Variants in PGPEP1 observed in about 807,000 individuals in gnomAD.
PGPEP1 encodes pyroglutamyl-peptidase I.
PGPEP1 carries 15 observed loss-of-function variants against 24.1 expected under a neutral mutation model. The ratio of observed to expected loss-of-function variants is 0.62; its 90% CI spans 0.42 to 0.96. The LOEUF (loss-of-function observed/expected upper bound fraction) is 0.96. PGPEP1 is among the 40% of genes least tolerant of loss of function. The probability of loss-of-function intolerance (pLI) is 0.00; values close to 1 mark genes in which losing one functional copy is unlikely to be tolerated. For synonymous variants in PGPEP1, 122 were observed against 116.4 expected (o/e 1.05, Z -0.31); for missense variants, 242 against 273.4 (o/e 0.89, Z 0.81).
At chr19:18,348,579 T>C (rs1480886843) in intron 2 of PGPEP1, among the ~76,000 whole-genome samples, 1 of 152,126 alleles carries the variant, frequency 6.6e-6, no homozygotes, top group East Asian at 1.9e-4. Flanking sequence ...CCAACCCTTT[T>C]GGAACAGAGC....
intron 2 of PGPEP1, among the ~76,000 whole-genome samples, chr19:18,346,633 C>CTTTTTTTTT (rs775309565): frequency 1.5e-4 from 12 of 79,534 alleles, no homozygotes; most frequent in Admixed American, 1.9e-4. Context: ...CTGTTTCTCT[C>CTTTTTTTTT]TTTTTTTTTT....
intron 2 of PGPEP1, among the ~76,000 whole-genome samples, chr19:18,352,560 C>CTT (rs1012439999): frequency 4.8e-5 from 7 of 146,304 alleles, no homozygotes; most frequent in African/African-American, 1.7e-4. Flanking sequence ...ATATAATTGT[C>CTT]TTTTTTTTTT....
At chr19:18,357,226 A>G (rs1482994846) in intron 3 of PGPEP1, among the ~76,000 whole-genome samples, 157 bp from the exon 4 acceptor site, 1 of 152,160 alleles carries the variant, frequency 6.6e-6, no homozygotes, top group African/African-American at 2.4e-5. Flanking sequence ...ACCTTTTTCC[A>G]AGAGTGACTG....
At chr19:18,353,844 G>A (rs959237512) in intron 2 of PGPEP1, among the ~76,000 whole-genome samples, 2 of 152,136 alleles carry the variant, frequency 1.3e-5, no homozygotes, top group Non-Finnish European at 2.9e-5. Context: ...TGGCTGAATC[G>A]TATTCCATCG....
chr19:18,353,858 G>A (rs917869633), intron 2 of PGPEP1, among the ~76,000 whole-genome samples: 5 of 152,192 alleles, frequency 3.3e-5, no homozygotes. Context: ...TCCATCGGAT[G>A]GATGGACCAT....
At chr19:18,355,537 A>G (rs545589704) in intron 2 of PGPEP1, among the ~76,000 whole-genome samples, 36 of 152,342 alleles carry the variant, frequency 2.4e-4, no homozygotes, top group African/African-American at 8.7e-4. Flanking sequence ...CTGGGATTAC[A>G]GGCCTGAGCC....
chr19:18,359,058 C>T (rs1971270998), intron 4 of PGPEP1, among the ~76,000 whole-genome samples: 1 of 152,038 alleles, frequency 6.6e-6, no homozygotes, highest in African/African-American at 2.4e-5. Flanking sequence ...GAGGCCAAGG[C>T]AGGAGGATCG....
At chr19:18,352,262 G>A (rs1451843888) in intron 2 of PGPEP1, among the ~76,000 whole-genome samples, 1 of 17,046 alleles carries the variant, frequency 5.9e-5, no homozygotes, top group African/African-American at 1.6e-4. Context: ...GCGAGACTCC[G>A]TCTCAAAAAA....
At chr19:18,349,663 T>C (rs1352307861) in intron 2 of PGPEP1, among the ~76,000 whole-genome samples, 1 of 152,162 alleles carries the variant, frequency 6.6e-6, no homozygotes, top group Non-Finnish European at 1.5e-5. Flanking sequence ...GCGATGAGTT[T>C]TTTGCATAGA....
Position 18,368,784 on chromosome 19 carries a change from G to T in PGPEP1, c.*5201G>T, listed in dbSNP as rs1358261343. ...TAGACGTCCCTTTTGGAGACAGCTGGACAAAGCCCTATTCTCCGCAGCCCC... is the reference window on the plus strand; with the variant it reads ...TAGACGTCCCTTTTGGAGACAGCTGTACAAAGCCCTATTCTCCGCAGCCCC... On this transcript the variant is annotated 3_prime_UTR_variant, in exon 5 of 5. Transcript: ENST00000269919. 1 of 152,648 alleles carries T rather than the reference G, an allele frequency of 6.6e-6. No individual in the cohort carries two copies. The highest frequency in any genetic ancestry group is 1.9e-4 in the East Asian group (1 of 5,192). The allele number at this position is 152,648 out of a possible 1,614,324, so 9.5% of individuals were successfully genotyped here.
chr19:18,357,628 G>T lies in PGPEP1; in HGVS notation c.437+13G>T, dbSNP rs750028114. 5.7e-6 allele frequency: 9 copies of T among 1,570,984 alleles called. No homozygotes were observed. The Admixed American group carries it at 1.6e-4, about 28-fold the overall frequency. ...AGGATGCCGGCAGGTAGGGCCCTGT[G>T]GGGTGGGAGTGAGTGGGGATTTCCC... On this transcript the variant is annotated intron_variant, in intron 4 of 4. Transcript: ENST00000269919.
chr19:18,351,655 G>A (rs1485651182), intron 2 of PGPEP1, among the ~76,000 whole-genome samples: 2 of 150,152 alleles, frequency 1.3e-5, no homozygotes, highest in Admixed American at 6.7e-5. Flanking sequence ...AGATAAAATC[G>A]ATGTAAAAAC....
chr19:18,364,445 C>T lies in PGPEP1; in HGVS notation c.*862C>T, dbSNP rs566504524. On this transcript the variant is annotated 3_prime_UTR_variant, in exon 5 of 5. Transcript: ENST00000269919. ...CCTGGCCAACATGGTGAAACCCTGC[C>T]TCTACTAAAAATACAAAAATTAGCC... 3.9e-5 allele frequency: 6 copies of T among 152,204 alleles called. No homozygotes were observed. Among genetic ancestry groups the T allele is most frequent in the African/African-American group, 1.4e-4 (6 of 41,508 alleles). The allele number at this position is 152,204 out of a possible 1,614,324, so 9.4% of individuals were successfully genotyped here.
rs59537099 is a variant in PGPEP1 at position 18,367,155 on chromosome 19, C to CA, written c.*3592dup. On this transcript the variant is annotated 3_prime_UTR_variant, in exon 5 of 5. Transcript: ENST00000269919. ...CGGGTGACACAGCAAGACTCTGTCTCAAAAAAAAAAAAAAAAAAAATCCTC... is the reference window on the plus strand; with the variant it reads ...CGGGTGACACAGCAAGACTCTGTCTCAAAAAAAAAAAAAAAAAAAAATCCTC... 43,343 of 95,032 alleles carry CA rather than the reference C, an allele frequency of 0.46. 9,984 individuals are homozygous for CA. Among genetic ancestry groups the CA allele is most frequent in the East Asian group, 0.67 (2,466 of 3,670 alleles). 5.9% of individuals were successfully genotyped at this position (95,032 alleles called of 1,614,324 possible).
intron 2 of PGPEP1, among the ~76,000 whole-genome samples, chr19:18,355,006 T>C (rs901154538): frequency 3.5e-5 from 5 of 142,650 alleles, no homozygotes; most frequent in African/African-American, 1.1e-4. Flanking sequence ...TGTTGCTCTG[T>C]CACCCAGGCT....
At chr19:18,353,570 A>G (rs1971097942) in intron 2 of PGPEP1, among the ~76,000 whole-genome samples, 1 of 152,074 alleles carries the variant, frequency 6.6e-6, no homozygotes, top group South Asian at 2.1e-4. Flanking sequence ...GTGTTGCGCA[A>G]CCATCATCTC....
rs1159338143 is a variant in PGPEP1 at position 18,340,706 on chromosome 19, G to A, written c.25G>A (p.Val9Ile). The change falls in exon 1 of 5, where the codon GTA (valine) becomes ATA (isoleucine). Residue 9 changes from valine to isoleucine, a missense_variant. By Grantham distance (29) the Val-to-Ile change is conservative (BLOSUM62 3). Transcript: ENST00000269919. Reference protein sequence around the residue: MEQPRKAVVVTGFGPFGEH... With the variant: MEQPRKAVIVTGFGPFGEH... ...CATGGAGCAGCCGAGGAAGGCGGTGGTAGTGACGGGTACGCTGGCTGATGG... is the reference window on the plus strand; with the variant it reads ...CATGGAGCAGCCGAGGAAGGCGGTGATAGTGACGGGTACGCTGGCTGATGG... 4 of 1,534,098 alleles carry A rather than the reference G, an allele frequency of 2.6e-6. No individual in the cohort carries two copies. The highest frequency in any genetic ancestry group is 3.5e-6 in the Non-Finnish European group (4 of 1,141,124).
At chr19:18,363,029 T>TGTGTGTGTGTGTG (rs1555713123) in intron 4 of PGPEP1, among the ~76,000 whole-genome samples, 2 of 59,418 alleles carry the variant, frequency 3.4e-5, no homozygotes, top group Admixed American at 3.9e-4. Context: ...CAAGTTTTTT[T>TGTGTGTGTGTGTG]TGTTTGTGTG....
intron 1 of PGPEP1, among the ~76,000 whole-genome samples, chr19:18,341,859 C>T (rs959053868): frequency 6.6e-6 from 1 of 152,022 alleles, no homozygotes; most frequent in Admixed American, 6.6e-5. Context: ...CAGGCTACAG[C>T]ATCTCTGCAT....
Sources: allele counts gnomAD v4.1 joint callset (sites outside exome capture counted in the v4.1 genomes callset), GRCh38; gene constraint gnomAD v4.1.1; transcripts MANE v1.5; gene names NCBI Gene and HGNC (gene_info 2026-07-23, HGNC 2026-07-21).